Variants in SPOCK1 observed in about 807,000 individuals in gnomAD.
SPOCK1 encodes the protein SPARC (osteonectin), cwcv and kazal like domains proteoglycan 1.
Under a neutral mutation model 55.3 loss-of-function variants are expected in SPOCK1, and 23 were observed. The observed-to-expected ratio is 0.42, with a 90% CI of 0.30 to 0.59. The LOEUF is 0.59. SPOCK1 is among the 20% of genes least tolerant of loss of function. The pLI is 0.22. For synonymous variants in SPOCK1, 226 were observed against 221.0 expected, an observed-to-expected ratio of 1.02 and a Z score of -0.20; for missense variants, 499 against 552.5, an observed-to-expected ratio of 0.90 and a Z score of 0.97.
At chr5:137,181,197 G>C (rs951989635) in intron 3 of SPOCK1, among the ~76,000 whole-genome samples, 1 of 152,200 alleles carries the variant, frequency 6.6e-6, no homozygotes, top group African/African-American at 2.4e-5. Context: ...CCAACAGGTA[G>C]CAATGAGAAG....
chr5:137,446,150 A>G (rs1384280526), intron 2 of SPOCK1, among the ~76,000 whole-genome samples: 3 of 152,218 alleles, frequency 2.0e-5, no homozygotes, highest in African/African-American at 7.2e-5. Context: ...GTCACACCAA[A>G]AAACAGTGCC....
chr5:137,439,994 G>T (rs1416836619), intron 2 of SPOCK1, among the ~76,000 whole-genome samples: 3 of 152,112 alleles, frequency 2.0e-5, no homozygotes, highest in African/African-American at 7.2e-5. Context: ...TATTATCAGA[G>T]ATTGGAGGAA....
At chr5:137,373,762 T>C (rs1751252121) in intron 2 of SPOCK1, among the ~76,000 whole-genome samples, 1 of 152,208 alleles carries the variant, frequency 6.6e-6, no homozygotes, top group Non-Finnish European at 1.5e-5. Context: ...CCTCCAACTC[T>C]TGTACAGGAG....
chr5:137,190,727 T>C (rs1035879875), intron 3 of SPOCK1, among the ~76,000 whole-genome samples: 1 of 152,166 alleles, frequency 6.6e-6, no homozygotes, highest in Non-Finnish European at 1.5e-5. Flanking sequence ...TCTACCAGCC[T>C]TCAGGTCCTT....
chr5:137,052,728 T>C (rs1256651980), intron 6 of SPOCK1, among the ~76,000 whole-genome samples: 2 of 152,320 alleles, frequency 1.3e-5, no homozygotes, highest in East Asian at 3.9e-4. Context: ...TAATTGATGA[T>C]ATGGGAATAT....
At chr5:137,389,372 G>C (rs1751666296) in intron 2 of SPOCK1, among the ~76,000 whole-genome samples, 1 of 152,218 alleles carries the variant, frequency 6.6e-6, no homozygotes. Context: ...ACTCGGATTT[G>C]TATTAAGTTT....
At chr5:136,980,385 T>C (rs1161896554) in intron 9 of SPOCK1, among the ~76,000 whole-genome samples, 3 of 152,294 alleles carry the variant, frequency 2.0e-5, no homozygotes, top group East Asian at 3.9e-4. Flanking sequence ...TTTACAAGTA[T>C]GTTACTAAGT....
intron 2 of SPOCK1, among the ~76,000 whole-genome samples, chr5:137,286,880 TA>T (rs1561493751): frequency 6.6e-6 from 1 of 152,170 alleles, no homozygotes; most frequent in Non-Finnish European, 1.5e-5. Context: ...GGAAAACAGG[TA>T]CTTTAAAGGA....
At chr5:137,286,165 C>T (rs1348440120) in intron 2 of SPOCK1, among the ~76,000 whole-genome samples, 3 of 152,160 alleles carry the variant, frequency 2.0e-5, no homozygotes, top group Non-Finnish European at 2.9e-5. Context: ...TGAGTTCACA[C>T]ACTTGGCTAA....
intron 2 of SPOCK1, among the ~76,000 whole-genome samples, chr5:137,324,061 G>T (rs1194179459): frequency 1.3e-5 from 2 of 152,190 alleles, no homozygotes; most frequent in Middle Eastern, 3.4e-3. Flanking sequence ...AAGCCAAGAG[G>T]TGGAAACCAC....
chr5:137,169,829 C>T (rs1188565570), intron 3 of SPOCK1, among the ~76,000 whole-genome samples: 1 of 152,284 alleles, frequency 6.6e-6, no homozygotes, highest in East Asian at 1.9e-4. Flanking sequence ...TAGGACACAG[C>T]CAGGCCAAGA....
chr5:137,075,263 G>C (rs1477258195), intron 5 of SPOCK1, among the ~76,000 whole-genome samples: 1 of 152,130 alleles, frequency 6.6e-6, no homozygotes, highest in East Asian at 1.9e-4. Flanking sequence ...GTGGTGCTAG[G>C]AGAACTCTTC....
At chr5:137,285,521 C>T (rs1440622199) in intron 2 of SPOCK1, among the ~76,000 whole-genome samples, 1 of 152,022 alleles carries the variant, frequency 6.6e-6, no homozygotes, top group Non-Finnish European at 1.5e-5. Flanking sequence ...GTTTAAAGAC[C>T]GTCAGAAAAA....
intron 2 of SPOCK1, among the ~76,000 whole-genome samples, chr5:137,452,425 A>G (rs1038637651): frequency 6.6e-6 from 1 of 152,172 alleles, no homozygotes; most frequent in African/African-American, 2.4e-5. Flanking sequence ...ATCCCAAATT[A>G]TTTAGTTATC....
At chr5:137,178,478 T>C (rs1279671315) in intron 3 of SPOCK1, among the ~76,000 whole-genome samples, 2 of 152,214 alleles carry the variant, frequency 1.3e-5, no homozygotes, top group Non-Finnish European at 2.9e-5. Flanking sequence ...TGAGGAAGCA[T>C]CTTTATCCAC....
At chr5:137,348,226 A>G (rs1321519958) in intron 2 of SPOCK1, among the ~76,000 whole-genome samples, 1 of 152,238 alleles carries the variant, frequency 6.6e-6, no homozygotes, top group Non-Finnish European at 1.5e-5. Context: ...ATTCAGTAAT[A>G]TGGGGTTCAA....
chr5:137,116,041 G>C (rs1201816171), intron 4 of SPOCK1, among the ~76,000 whole-genome samples: 1 of 152,154 alleles, frequency 6.6e-6, no homozygotes, highest in Non-Finnish European at 1.5e-5. Flanking sequence ...TTTAGTCTGA[G>C]AGCAGGTTCT....
chr5:137,046,261 T>G (rs1752102596), intron 6 of SPOCK1, among the ~76,000 whole-genome samples: 1 of 116,628 alleles, frequency 8.6e-6, no homozygotes, highest in Non-Finnish European at 1.8e-5. Flanking sequence ...ACGATATTGA[T>G]TCTTCCTACC....
chr5:136,982,062 G>A (rs1202097015), intron 9 of SPOCK1, among the ~76,000 whole-genome samples: 2 of 152,138 alleles, frequency 1.3e-5, no homozygotes, highest in African/African-American at 4.8e-5. Context: ...TGGTGTACAG[G>A]TTTATACCTA....
Sources: allele counts gnomAD v4.1 joint callset (sites outside exome capture counted in the v4.1 genomes callset), GRCh38; gene constraint gnomAD v4.1.1; transcripts MANE v1.5; gene names NCBI Gene and HGNC (gene_info 2026-07-23, HGNC 2026-07-21).